Variants in ZNF471 observed in about 807,000 individuals in gnomAD.
The protein encoded by ZNF471 is EZFIT-related protein 1.
ZNF471 carries 7 observed loss-of-function variants against 13.7 expected under a neutral mutation model. That is an observed-to-expected ratio of 0.51 (90% CI 0.29 to 0.96). The LOEUF (loss-of-function observed/expected upper bound fraction) is 0.96. Among genes scored for constraint, ZNF471 ranks in the 40% least tolerant of loss-of-function variants. The pLI is 0.08. For synonymous variants in ZNF471, 218 were observed against 235.6 expected, an observed-to-expected ratio of 0.93 and a Z score of 0.68; for missense variants, 663 against 743.3, an observed-to-expected ratio of 0.89 and a Z score of 1.26.
intron 4 of ZNF471, 39 bp downstream of exon 4, chr19:56,518,616 A>C: frequency 6.4e-7 from 1 of 1,558,626 alleles, no homozygotes; most frequent in Non-Finnish European, 8.8e-7. Context: ...TCTTTTTGAC[A>C]TAATGGCTCA....
At position 56,516,314 on chromosome 19, in the gene ZNF471, C is replaced by A. The variant is rs1455871071; in HGVS notation, c.73C>A (p.Gln25Lys). ...CAAGGATGTGGCAATAGATTTTTCC[C>A]AGGAAGAATGGCAATGGATGAACCC... is the stretch of plus-strand genomic sequence containing the variant. The part of the protein sequence containing the change: ...TFKDVAIDFS[Q>K]EEWQWMNPAQ... The change falls in exon 3 of 5, where the codon CAG becomes AAG. Residue 25 changes from glutamine to lysine, a missense_variant. Physicochemically the swap from Gln to Lys is moderately conservative, Grantham distance 53. Coordinates refer to ENST00000308031, the MANE Select transcript of ZNF471 (RefSeq NM_020813.4). The surrounding 1 kb of genome is among the most constrained non-coding windows in gnomAD (Gnocchi z 4.4). 2 of 1,613,698 alleles carry A rather than the reference C, an allele frequency of 1.2e-6. No homozygotes were observed. The highest frequency in any genetic ancestry group is 1.7e-6 in the Non-Finnish European group (2 of 1,179,830).
chr19:56,510,173 T>C lies in ZNF471; in HGVS notation c.-55-1344T>C, dbSNP rs1040171956. ...GAGAGTGACCAGTATGTATTTTGTG[T>C]GCATGAGATAAAGCAGTTGGAATAT... On this transcript the variant is annotated intron_variant, in intron 1 of 4. Coordinates refer to ENST00000308031, the MANE Select transcript of ZNF471 (RefSeq NM_020813.4). This position sits in a 1 kb window ranked among gnomAD's most constrained non-coding sequence, Gnocchi z 4.3. 120 of 985,386 alleles carry C rather than the reference T, an allele frequency of 1.2e-4. No homozygotes were observed. Among genetic ancestry groups the C allele is most frequent in the Non-Finnish European group, 1.4e-4 (116 of 830,010 alleles). 61.0% of individuals were successfully genotyped at this position (985,386 alleles called of 1,614,324 possible). A position where few individuals can be genotyped will look rare whatever the true frequency, so the allele number is the denominator to read the frequency against.
At chr19:56,518,358 C>A in intron 3 of ZNF471, 124 bp from the exon 4 acceptor site, 1 of 711,202 alleles carries the variant, frequency 1.4e-6, no homozygotes, top group Non-Finnish European at 2.4e-6. Context: ...GTCTGTCCTT[C>A]AGATGTGCTT....
At position 56,524,780 on chromosome 19, in the gene ZNF471, A is replaced by G. The variant is rs2044021733; in HGVS notation, c.713A>G (p.Glu238Gly). 6.2e-7 allele frequency: 1 copy of G among 1,613,122 alleles called. No homozygotes were observed. Among genetic ancestry groups the G allele is most frequent in the Non-Finnish European group, 8.5e-7 (1 of 1,179,668 alleles). The change falls in exon 5 of 5, where the codon GAA (glutamate) becomes GGA (glycine). Residue 238 changes from glutamate to glycine, a missense_variant. Physicochemically the swap from Glu to Gly is moderately conservative, Grantham distance 98 (BLOSUM62 -2). Transcript: ENST00000308031. The surrounding 1 kb of genome is among the most constrained non-coding windows in gnomAD (Gnocchi z 4.8). ...GGTGAAAAACCATATGCATGTGAGG[A>G]ATGTGGAAAAGCCTTCAAGCAAAGG... ...HTGEKPYACE[E>G]CGKAFKQRQH...
At position 56,530,156 on chromosome 19, in the gene ZNF471, C is replaced by A. The variant is rs1480314259; in HGVS notation, c.*4208C>A. Reference sequence around the variant, plus strand: ...CAGTTTATGAACTGAGATGTAACTTCATGACTAACATGATGACATCGTTAT... The same window carrying A: ...CAGTTTATGAACTGAGATGTAACTTAATGACTAACATGATGACATCGTTAT... On this transcript the variant is annotated 3_prime_UTR_variant, in exon 5 of 5. Coordinates refer to ENST00000308031, the MANE Select transcript of ZNF471 (RefSeq NM_020813.4). 2.0e-5 allele frequency: 3 copies of A among 152,216 alleles called. No individual in the cohort carries two copies. The highest frequency in any genetic ancestry group is 2.9e-5 in the Non-Finnish European group (2 of 68,042). The allele number at this position is 152,216 out of a possible 1,614,324, so 9.4% of individuals were successfully genotyped here.
intron 2 of ZNF471, among the ~76,000 whole-genome samples, chr19:56,515,708 A>G (rs931450687): frequency 1.4e-4 from 22 of 152,234 alleles, no homozygotes; most frequent in African/African-American, 4.8e-4. Context: ...AAAATTTCTT[A>G]CAAGCTGCTG....
chr19:56,509,032 T>G (rs1184880596), intron 1 of ZNF471, among the ~76,000 whole-genome samples: 2 of 152,212 alleles, frequency 1.3e-5, no homozygotes, highest in African/African-American at 2.4e-5. Flanking sequence ...GCTTACGACT[T>G]CTAAGATCCT....
chr19:56,529,572 G>A lies in ZNF471; in HGVS notation c.*3624G>A, dbSNP rs1009220317. 6.6e-6 allele frequency: 1 copy of A among 152,220 alleles called. No homozygotes were observed. The highest frequency in any genetic ancestry group is 2.4e-5 in the African/African-American group (1 of 41,466). The allele number at this position is 152,220 out of a possible 1,614,324, so 9.4% of individuals were successfully genotyped here. ...TGAGAGATATCTTAAACATACATTA[G>A]AAAGGATATAGCCCTTGAAAAAGGG... On this transcript the variant is annotated 3_prime_UTR_variant, in exon 5 of 5. Coordinates refer to ENST00000308031, the MANE Select transcript of ZNF471 (RefSeq NM_020813.4).
chr19:56,521,953 T>C (rs1600519463), intron 4 of ZNF471, among the ~76,000 whole-genome samples: 1 of 152,082 alleles, frequency 6.6e-6, no homozygotes, highest in East Asian at 1.9e-4. Flanking sequence ...TCAAAAAATA[T>C]ATATAAAATG....
intron 2 of ZNF471, among the ~76,000 whole-genome samples, chr19:56,511,836 A>AT (rs2043816478): frequency 6.6e-6 from 1 of 152,084 alleles, no homozygotes; most frequent in Non-Finnish European, 1.5e-5. Context: ...GTACATTTTA[A>AT]ATTTAGTGTT....
chr19:56,519,499 T>G (rs2043939763), intron 4 of ZNF471, among the ~76,000 whole-genome samples: 1 of 152,216 alleles, frequency 6.6e-6, no homozygotes, highest in African/African-American at 2.4e-5. Context: ...CTGTTTATTT[T>G]CTTTCTAACA....
In ZNF471 at chr19:56,524,346, A is replaced by AC. The variant is rs755698933; in HGVS notation, c.280dup (p.Gln94ProfsTer11). The stretch of plus-strand genomic sequence containing the variant: ...CAGATTGGGAATCTATATATGTGAC[A>AC]CAGGAATTACCTCTGAAGCAGTTCA... On this transcript the variant is annotated frameshift_variant, in exon 5 of 5. Coordinates refer to ENST00000308031, the MANE Select transcript of ZNF471 (RefSeq NM_020813.4). LOFTEE classifies it low-confidence loss of function (END_TRUNC). The surrounding 1 kb of genome is among the most constrained non-coding windows in gnomAD (Gnocchi z 4.8). 1 of 1,572,580 alleles carries AC rather than the reference A, an allele frequency of 6.4e-7. No homozygotes were observed. The highest frequency in any genetic ancestry group is 8.6e-7 in the Non-Finnish European group (1 of 1,164,884).
At chr19:56,518,644 T>A in intron 4 of ZNF471, 67 bp downstream of exon 4, 1 of 1,332,600 alleles carries the variant, frequency 7.5e-7, no homozygotes, top group East Asian at 2.3e-5. Context: ...TTAGAGGTGA[T>A]ACCTTCTCAC....
In ZNF471 at chr19:56,525,625, T is replaced by G. The variant is rs2044036424; in HGVS notation, c.1558T>G (p.Cys520Gly). ...AGAGAAGCCTTATGAATGTATTGAA[T>G]GTGGAAATGCTTTCAAACAGAGATC... Reference protein sequence around the residue: ...TGEKPYECIECGNAFKQRSHL... With the variant: ...TGEKPYECIEGGNAFKQRSHL... The change falls in exon 5 of 5, where the codon TGT becomes GGT. Residue 520 changes from cysteine (C) to glycine (G), a missense_variant. Coordinates refer to ENST00000308031, the MANE Select transcript of ZNF471 (RefSeq NM_020813.4). 1 of 1,614,034 alleles carries G rather than the reference T, an allele frequency of 6.2e-7. No homozygotes were observed. Among genetic ancestry groups the G allele is most frequent in the African/African-American group, 1.3e-5 (1 of 74,920 alleles).
intron 4 of ZNF471, among the ~76,000 whole-genome samples, chr19:56,521,638 C>CAAAAA (rs372849279): frequency 3.7e-5 from 3 of 82,092 alleles, no homozygotes; most frequent in African/African-American, 4.7e-5. Context: ...GACTCTGTCT[C>CAAAAA]AAAAAAAAAA....
chr19:56,529,340 G>A lies in ZNF471; in HGVS notation c.*3392G>A, dbSNP rs554291817. ...ATCCCATTTGACTCCTTACACAGAA[G>A]TTCATTCTATACTCATTACAGATGT... On this transcript the variant is annotated 3_prime_UTR_variant, in exon 5 of 5. Transcript: ENST00000308031. 22 of 151,138 alleles carry A rather than the reference G, an allele frequency of 1.5e-4. No homozygotes were observed. The highest frequency in any genetic ancestry group is 5.4e-4 in the African/African-American group (22 of 40,996). 9.4% of individuals were successfully genotyped at this position (151,138 alleles called of 1,614,324 possible). A position where few individuals can be genotyped will look rare whatever the true frequency, so the allele number is the denominator to read the frequency against.
At chr19:56,523,759 A>G (rs2044006276) in intron 4 of ZNF471, among the ~76,000 whole-genome samples, 1 of 152,218 alleles carries the variant, frequency 6.6e-6, no homozygotes, top group African/African-American at 2.4e-5. Flanking sequence ...CAGGCATGAA[A>G]TATTACCATT....
intron 2 of ZNF471, among the ~76,000 whole-genome samples, chr19:56,514,507 A>G (rs2043855195): frequency 1.3e-5 from 2 of 152,062 alleles, no homozygotes; most frequent in Admixed American, 1.3e-4. Context: ...TTGCTTATCG[A>G]TGACCTTGTC....
intron 4 of ZNF471, among the ~76,000 whole-genome samples, chr19:56,521,172 C>G (rs995372505): frequency 6.6e-6 from 1 of 152,098 alleles, no homozygotes; most frequent in Non-Finnish European, 1.5e-5. Context: ...GTGGGTATTA[C>G]TACAATTCAA....
Sources: gnomAD v4.1 joint callset for allele counts (sites outside exome capture counted in the v4.1 genomes callset) on GRCh38, gnomAD v4.1.1 for gene constraint, Gnocchi (gnomAD v3.1) non-coding constraint, MANE v1.5 for transcripts, NCBI Gene and HGNC (gene_info 2026-07-23, HGNC 2026-07-21) for gene names.